PRRT4: variants seen among roughly 807,000 people sequenced by gnomAD.
PRRT4 encodes proline-rich transmembrane protein 4.
In PRRT4, 59 loss-of-function variants were observed where a neutral mutation model predicts 55.6. The ratio of observed to expected loss-of-function variants is 1.06; its 90% CI spans 0.86 to 1.32. The LOEUF is 1.32. PRRT4 is among the 40% of genes most tolerant of loss of function. PRRT4 has a pLI of 0.00. For missense variants in PRRT4, 1,217 were observed against 1,222.0 expected (o/e 1.00, Z 0.06); for synonymous variants, 606 against 601.8 (o/e 1.01, Z -0.10).
In PRRT4 at chr7:128,352,150, G is replaced by A. The variant is rs1004759918; in HGVS notation, c.1406C>T (p.Ala469Val). 5.2e-6 allele frequency: 7 copies of A among 1,346,032 alleles called. No homozygotes were observed. The Admixed American group carries it at 2.9e-4, about 56-fold the overall frequency. The allele number at this position is 1,346,032 out of a possible 1,614,324, so 83.4% of individuals were successfully genotyped here. A position where few individuals can be genotyped will look rare whatever the true frequency, so the allele number is the denominator to read the frequency against. Residue 469 changes from alanine (A) to valine (V), a missense_variant, in exon 5 of 5, where the codon GCG becomes GTG. Ala to Val is a moderately conservative substitution (Grantham distance 64, BLOSUM62 0). Transcript: ENST00000535159. Reference sequence around the variant, plus strand: ...CAGCCCCAGCCCCAGGAGCAGCAGCGCAGCCAGGCCGGTGGGGCACCGCGG... The same window carrying A: ...CAGCCCCAGCCCCAGGAGCAGCAGCACAGCCAGGCCGGTGGGGCACCGCGG...
intron 4 of PRRT4, among the ~76,000 whole-genome samples, chr7:128,357,130 G>T (rs189212390): frequency 2.4e-4 from 37 of 152,098 alleles, no homozygotes; most frequent in East Asian, 1.9e-3. Flanking sequence ...AGGAGTCAAA[G>T]GTTAGTTGCA....
intron 4 of PRRT4, among the ~76,000 whole-genome samples, chr7:128,354,922 G>A (rs1276911592): frequency 6.6e-6 from 1 of 152,174 alleles, no homozygotes; most frequent in Non-Finnish European, 1.5e-5. Flanking sequence ...TGGAAAACCT[G>A]GTGCATAATG....
chr7:128,356,585 C>G (rs1384863515), intron 4 of PRRT4, among the ~76,000 whole-genome samples: 1 of 152,260 alleles, frequency 6.6e-6, no homozygotes, highest in African/African-American at 2.4e-5. Flanking sequence ...CCTGAGCAAG[C>G]CTCCTTTACT....
rs1217899156 is a variant in PRRT4 at position 128,351,314 on chromosome 7, G to A, written c.2242C>T (p.Gln748Ter). 1.3e-6 allele frequency: 2 copies of A among 1,545,184 alleles called. No homozygotes were observed. The highest frequency in any genetic ancestry group is 2.0e-5 in the Admixed American group (1 of 50,988). The change falls in exon 5 of 5, where the codon CAG (glutamine) becomes TAG (stop). Residue 748 changes from glutamine (Q) to a stop codon, truncating the protein, a stop_gained. Transcript: ENST00000535159. LOFTEE classifies it high-confidence loss of function. The stretch of plus-strand genomic sequence containing the variant: ...AGAGCGTCCTCGAAGGCAGGGCCCT[G>A]GAAGAGGCCAGGCGCAAGCAGGGCC...
chr7:128,355,085 C>A (rs1266021462), intron 4 of PRRT4, among the ~76,000 whole-genome samples: 1 of 152,214 alleles, frequency 6.6e-6, no homozygotes, highest in Non-Finnish European at 1.5e-5. Flanking sequence ...TTTTCAAAGC[C>A]TTTCACAGTC....
intron 4 of PRRT4, among the ~76,000 whole-genome samples, chr7:128,357,264 TC>T (rs1797134707): frequency 6.8e-6 from 1 of 148,034 alleles, no homozygotes; most frequent in South Asian, 2.2e-4. Context: ...TCTCTCTCTC[TC>T]TCTGCTGGCA....
chr7:128,357,096 G>T (rs898983849), intron 4 of PRRT4, among the ~76,000 whole-genome samples: 5 of 152,160 alleles, frequency 3.3e-5, no homozygotes, highest in African/African-American at 1.2e-4. Context: ...CTGAGGTGAA[G>T]GGGACCTAAG....
chr7:128,361,848 G>C (rs1797267196), upstream of PRRT4, among the ~76,000 whole-genome samples: 1 of 152,172 alleles, frequency 6.6e-6, no homozygotes, highest in East Asian at 1.9e-4. Flanking sequence ...GGTGCCGGGC[G>C]CCTCCACGCG....
At chr7:128,352,982 A>G (rs903488077) in intron 4 of PRRT4, among the ~76,000 whole-genome samples, 1 of 151,914 alleles carries the variant, frequency 6.6e-6, no homozygotes, top group Non-Finnish European at 1.5e-5. Flanking sequence ...TTTTTCTTTG[A>G]AGTCACAGAA....
At chr7:128,359,807 C>G in exon 2 of PRRT4, 1 of 1,523,162 alleles carries the variant, frequency 6.6e-7, no homozygotes, top group Non-Finnish European at 8.8e-7. Flanking sequence ...AGCAGCAGGT[C>G]CCCGAAGATG....
chr7:128,352,219 G>A (rs1186299657), exon 5 of PRRT4: 1 of 1,530,182 alleles, frequency 6.5e-7, no homozygotes, highest in East Asian at 2.5e-5. Context: ...CCCCAGGCCG[G>A]CAGCCAAGCA....
In PRRT4 at chr7:128,358,710, C is replaced by A. The variant is rs1797167515; in HGVS notation, c.848G>T (p.Ser283Ile). ...TGATGTTGTTGCAATCGAGGCAAAACTTAGGGAAGCAGCTGGGTCCAGAGG... is the reference window on the plus strand; with the variant it reads ...TGATGTTGTTGCAATCGAGGCAAAAATTAGGGAAGCAGCTGGGTCCAGAGG... The change falls in exon 4 of 5, where the codon AGT becomes ATT. Residue 283 changes from serine (S) to isoleucine (I), a missense_variant. Around this residue, in one of 3 missense-constraint regions of PRRT4, gnomAD observed 564 missense variants for 592.9 expected, o/e 0.95. Transcript: ENST00000535159. This position sits in a 1 kb window ranked among gnomAD's most constrained non-coding sequence, Gnocchi z 4.4. 1 of 1,551,588 alleles carries A rather than the reference C, an allele frequency of 6.4e-7. No individual in the cohort carries two copies. The highest frequency in any genetic ancestry group is 1.4e-5 in the African/African-American group (1 of 73,042).
chr7:128,361,046 C>G (rs1421004281), intron 1 of PRRT4, among the ~76,000 whole-genome samples: 2 of 149,806 alleles, frequency 1.3e-5, no homozygotes, highest in Non-Finnish European at 3.0e-5. Context: ...TGGGTTCAAA[C>G]CCAAGCTCTG....
exon 5 of PRRT4, chr7:128,352,556 C>G: frequency 1.9e-6 from 3 of 1,544,790 alleles, no homozygotes; most frequent in Non-Finnish European, 2.6e-6. Context: ...GGAGGCTGCC[C>G]CTCGCGTTCA....
At chr7:128,351,505 C>A in exon 5 of PRRT4, 4 of 1,500,164 alleles carry the variant, frequency 2.7e-6, no homozygotes, top group Non-Finnish European at 3.5e-6. Context: ...GAGGTCTGGG[C>A]CTGGCCCTGC....
At chr7:128,352,368 G>A in exon 5 of PRRT4, 3 of 1,525,292 alleles carry the variant, frequency 2.0e-6, no homozygotes, top group Non-Finnish European at 2.6e-6. Context: ...CCAGGCAGGG[G>A]GCGCCGGGCG....
chr7:128,359,368 T>C (rs1429197115), exon 2 of PRRT4: 1 of 1,472,186 alleles, frequency 6.8e-7, no homozygotes, highest in Non-Finnish European at 9.0e-7. Flanking sequence ...CAGCAATCTC[T>C]GCCAGGCTGG....
intron 4 of PRRT4, among the ~76,000 whole-genome samples, chr7:128,354,783 T>C (rs1463812056): frequency 6.6e-6 from 1 of 152,130 alleles, no homozygotes; most frequent in Non-Finnish European, 1.5e-5. Flanking sequence ...TATACACAGC[T>C]CACTGCCAAC....
At chr7:128,351,204 A>G (rs1177770584) in exon 5 of PRRT4, 1 of 1,541,150 alleles carries the variant, frequency 6.5e-7, no homozygotes, top group Non-Finnish European at 8.7e-7. Context: ...CCGGGGGCGC[A>G]GCGGGGCCAG....
Sources: gnomAD v4.1 joint callset for allele counts (sites outside exome capture counted in the v4.1 genomes callset) on GRCh38, gnomAD v4.1.1 for gene constraint, gnomAD v4.1.1 regional missense constraint, Gnocchi (gnomAD v3.1) non-coding constraint, MANE v1.5 for transcripts, NCBI Gene and HGNC (gene_info 2026-07-23, HGNC 2026-07-21) for gene names.